DNAH9: variants seen among roughly 807,000 people sequenced by gnomAD.
DNAH9 encodes the protein DNAH9 variant protein.
In DNAH9, 345 loss-of-function variants were observed where a neutral mutation model predicts 471.6. The ratio of observed to expected loss-of-function variants is 0.73; its 90% CI spans 0.67 to 0.80. The LOEUF is 0.80. Among genes scored for constraint, DNAH9 ranks in the 30% least tolerant of loss-of-function variants. DNAH9 has a pLI of 0.00. For synonymous variants in DNAH9, 2,093 were observed against 2,123.6 expected, an observed-to-expected ratio of 0.99 and a Z score of 0.40; for missense variants, 5,407 against 5,609.2, an observed-to-expected ratio of 0.96 and a Z score of 1.15.
Position 11,629,534 on chromosome 17 carries a change from T to C in DNAH9, c.1468T>C (p.Tyr490His), listed in dbSNP as rs776724665. The change falls in exon 7 of 69, where the codon TAC (tyrosine) becomes CAC (histidine). Residue 490 changes from tyrosine to histidine, a missense_variant. Physicochemically the swap from Tyr to His is moderately conservative, Grantham distance 83. Transcript: ENST00000262442. ...QQMHEEFQEM[Y>H]RLLSGSSSDC... ...AATGCATGAAGAATTTCAAGAGATG[T>C]ACAGGCTTCTCTCAGGATCCTCCTC... is the stretch of plus-strand genomic sequence containing the variant. 12 of 1,614,028 alleles carry C rather than the reference T, an allele frequency of 7.4e-6. No homozygotes were observed. Among genetic ancestry groups the C allele is most frequent in the Non-Finnish European group, 5.9e-6 (7 of 1,180,022 alleles).
At chr17:11,812,129 G>A (rs570241383) in intron 45 of DNAH9, among the ~76,000 whole-genome samples, 1 of 143,252 alleles carries the variant, frequency 7.0e-6, no homozygotes, top group Non-Finnish European at 1.5e-5. Flanking sequence ...ATAAATATGT[G>A]CATGTTTATA....
chr17:11,967,223 C>T (rs1976813046), intron 68 of DNAH9, among the ~76,000 whole-genome samples: 2 of 151,836 alleles, frequency 1.3e-5, no homozygotes, highest in Non-Finnish European at 2.9e-5. Context: ...CCTCTTGCCT[C>T]AGTTCCCAAG....
intron 23 of DNAH9, among the ~76,000 whole-genome samples, chr17:11,700,098 A>AT (rs1019286372): frequency 1.4e-4 from 21 of 152,334 alleles, no homozygotes; most frequent in African/African-American, 5.1e-4. Context: ...GTCAACATTC[A>AT]TATCTTTTCC....
rs879723599 is a variant in DNAH9 at position 11,654,081 on chromosome 17, C to T, written c.2595+1079C>T. ...AAGTTTAAAATCGATCTAGGCCGGG[C>T]GCGGTGGCTCACGCTTGTAATCCCA... On this transcript the variant is annotated intron_variant, in intron 14 of 68. Coordinates refer to ENST00000262442, the MANE Select transcript of DNAH9 (RefSeq NM_001372.4). Among the ~76,000 whole-genome samples the T allele has an allele frequency of 1.9e-4, 13 of 66,902 alleles. 3 individuals are homozygous for T. The highest frequency in any genetic ancestry group is 1.2e-3 in the Admixed American group (10 of 8,408). 43.9% of individuals were successfully genotyped at this position (66,902 alleles called of 152,430 possible). A position where few individuals can be genotyped will look rare whatever the true frequency, so the allele number is the denominator to read the frequency against.
chr17:11,844,037 C>A (rs944005019), intron 49 of DNAH9, among the ~76,000 whole-genome samples: 1 of 103,260 alleles, frequency 9.7e-6, no homozygotes, highest in Non-Finnish European at 2.3e-5. Flanking sequence ...TAAGTATATA[C>A]TCTTAATAAA....
Position 11,881,390 on chromosome 17 carries a change from A to G in DNAH9, c.10783A>G (p.Arg3595Gly). Residue 3595 changes from arginine to glycine, a missense_variant, in exon 55 of 69, where the codon AGG (arginine) becomes GGG (glycine). Arg to Gly is a moderately radical substitution (Grantham distance 125, BLOSUM62 -2). Coordinates refer to ENST00000262442, the MANE Select transcript of DNAH9 (RefSeq NM_001372.4). ...QLLAAVVSME[R>G]PDLEQLKSDL... Reference sequence around the variant, plus strand: ...GCTGGCCGCTGTGGTCAGCATGGAGAGGCCAGACTTGGAGCAGCTGAAGGT... The same window carrying G: ...GCTGGCCGCTGTGGTCAGCATGGAGGGGCCAGACTTGGAGCAGCTGAAGGT... 2 of 1,613,326 alleles carry G rather than the reference A, an allele frequency of 1.2e-6. No homozygotes were observed. The highest frequency in any genetic ancestry group is 1.1e-5 in the South Asian group (1 of 91,032).
At chr17:11,685,129 T>C (rs1008240551) in intron 19 of DNAH9, among the ~76,000 whole-genome samples, 2 of 151,992 alleles carry the variant, frequency 1.3e-5, no homozygotes, top group Non-Finnish European at 2.9e-5. Flanking sequence ...AAATGAGCAA[T>C]AAGGCATGCA....
Position 11,822,306 on chromosome 17 carries a change from A to G in DNAH9, c.8851-132A>G, listed in dbSNP as rs936713110. The G allele has an allele frequency of 1.5e-5, 18 of 1,178,780 alleles. No homozygotes were observed. The African/African-American group carries it at 2.5e-4, about 16-fold the overall frequency. The allele number at this position is 1,178,780 out of a possible 1,614,324, so 73.0% of individuals were successfully genotyped here. A position where few individuals can be genotyped will look rare whatever the true frequency, so the allele number is the denominator to read the frequency against. On this transcript the variant is annotated intron_variant, in intron 46 of 68. Coordinates refer to ENST00000262442, the MANE Select transcript of DNAH9 (RefSeq NM_001372.4). ...CTCTTGGCTGGTGAGGCTGGCTAGC[A>G]TTTACAGATATTATCTCTGTTGGAT...
In DNAH9 at chr17:11,685,907, T is replaced by G. The variant is rs2074235610; in HGVS notation, c.3744-3659T>G. Among the ~76,000 whole-genome samples, 3 of 149,656 alleles carry G rather than the reference T, an allele frequency of 2.0e-5. No individual in the cohort carries two copies. The South Asian group carries it at 6.3e-4, about 31-fold the overall frequency. ...GCAATCTCCGTCTCCCGGGTTCAAG[T>G]GATTCTCCTGCTTCAGCCTCCCGAG... On this transcript the variant is annotated intron_variant, in intron 19 of 68. Transcript: ENST00000262442.
Position 11,838,688 on chromosome 17 carries a change from A to C in DNAH9, c.9507+3790A>C, listed in dbSNP as rs183812746. Among the ~76,000 whole-genome samples, 33 of 152,244 alleles carry C rather than the reference A, an allele frequency of 2.2e-4. No homozygotes were observed. The South Asian group carries it at 3.1e-3, about 14-fold the overall frequency. ...AGTTGAACAAGACAATTAACAGTCC[A>C]TCCGTCACCAAGAAGTTTAGCTGTA... On this transcript the variant is annotated intron_variant, in intron 49 of 68. Coordinates refer to ENST00000262442, the MANE Select transcript of DNAH9 (RefSeq NM_001372.4).
intron 1 of DNAH9, among the ~76,000 whole-genome samples, chr17:11,603,288 G>T (rs906104834): frequency 6.6e-6 from 1 of 151,986 alleles, no homozygotes. Context: ...ATTTCCCAAC[G>T]TGAGAAACAA....
chr17:11,925,150 A>C, intron 62 of DNAH9: 1 of 455,062 alleles, frequency 2.2e-6, no homozygotes, highest in Non-Finnish European at 4.4e-6. Context: ...TTCTCCACCA[A>C]ATTTTTTAGG....
At chr17:11,781,720 T>C (rs1968672107) in intron 39 of DNAH9, among the ~76,000 whole-genome samples, 1 of 151,708 alleles carries the variant, frequency 6.6e-6, no homozygotes, top group Non-Finnish European at 1.5e-5. Context: ...TAGTCCCAGC[T>C]ACTCGGGAGG....
chr17:11,968,519 TC>T (rs1283166331), intron 68 of DNAH9, among the ~76,000 whole-genome samples: 1 of 152,220 alleles, frequency 6.6e-6, no homozygotes, highest in Non-Finnish European at 1.5e-5. Flanking sequence ...AAGAGAAAGG[TC>T]CTGTGGTCAA....
chr17:11,717,183 A>G (rs1160275498), intron 26 of DNAH9, among the ~76,000 whole-genome samples: 1 of 152,210 alleles, frequency 6.6e-6, no homozygotes, highest in African/African-American at 2.4e-5. Context: ...AGGCTGAAAC[A>G]GATAAGGGAA....
chr17:11,649,682 A>C (rs1295066187), intron 12 of DNAH9, among the ~76,000 whole-genome samples: 2 of 152,206 alleles, frequency 1.3e-5, no homozygotes, highest in Admixed American at 1.3e-4. Context: ...ATTTCTTCAA[A>C]TAGTTTCCAG....
Position 11,606,699 on chromosome 17 carries a change from C to T in DNAH9, c.418-1430C>T, listed in dbSNP as rs542566717. Among the ~76,000 whole-genome samples the T allele has an allele frequency of 5.3e-5, 8 of 151,968 alleles. No individual in the cohort carries two copies. In the South Asian group the frequency reaches 6.2e-4, roughly 12 times the overall value. On this transcript the variant is annotated intron_variant, in intron 1 of 68. Transcript: ENST00000262442. ...TCCTGATCTCGTGATCTGCCCACCTCGGTATACTGACAAGTTTCTAAGTTG... is the reference window on the plus strand; with the variant it reads ...TCCTGATCTCGTGATCTGCCCACCTTGGTATACTGACAAGTTTCTAAGTTG...
At chr17:11,905,854 G>A in intron 61 of DNAH9, 45 bp downstream of exon 61, 1 of 1,554,612 alleles carries the variant, frequency 6.4e-7, no homozygotes. Flanking sequence ...TTTGCCCCAT[G>A]CACTTTCATT....
rs550300868 is a variant in DNAH9, at chr17:11,877,473, TAAA to T, written c.10478+2317_10478+2319del. Among the ~76,000 whole-genome samples the T allele has an allele frequency of 5.7e-3, 393 of 68,592 alleles. 6 individuals are homozygous for T. The highest frequency in any genetic ancestry group is 0.026 in the African/African-American group (378 of 14,466). The allele number at this position is 68,592 out of a possible 152,430, so 45.0% of individuals were successfully genotyped here. The stretch of plus-strand genomic sequence containing the variant: ...GGGGGACAAGAACGAAAACTCTGTC[TAAA>T]AAAAAAAAAAAAAAAAAAAAAAAAA... On this transcript the variant is annotated intron_variant, in intron 53 of 68. Transcript: ENST00000262442.
Sources: gnomAD v4.1 joint callset for allele counts (sites outside exome capture counted in the v4.1 genomes callset) on GRCh38, gnomAD v4.1.1 for gene constraint, MANE v1.5 for transcripts, NCBI Gene and HGNC (gene_info 2026-07-23, HGNC 2026-07-21) for gene names.